Variants in ARHGAP18 observed in about 807,000 individuals in gnomAD.
ARHGAP18 encodes rho GTPase-activating protein 18.
Under a neutral mutation model 86.2 loss-of-function variants are expected in ARHGAP18, and 67 were observed. The ratio of observed to expected loss-of-function variants is 0.78; its 90% CI spans 0.64 to 0.95. The LOEUF is 0.95. ARHGAP18 is among the 40% of genes least tolerant of loss of function. ARHGAP18 has a pLI of 0.00. For missense variants in ARHGAP18, 691 were observed against 780.4 expected, an observed-to-expected ratio of 0.89 and a Z score of 1.37; for synonymous variants, 283 against 280.4, an observed-to-expected ratio of 1.01 and a Z score of -0.09.
At chr6:129,703,075 T>C (rs1253260173) in intron 1 of ARHGAP18, among the ~76,000 whole-genome samples, 7 of 152,024 alleles carry the variant, frequency 4.6e-5, no homozygotes, top group Non-Finnish European at 7.4e-5. Context: ...CACAGATTCA[T>C]GAGCAAGGAG....
At chr6:129,699,302 G>A (rs1237347195) in intron 1 of ARHGAP18, among the ~76,000 whole-genome samples, 1 of 152,178 alleles carries the variant, frequency 6.6e-6, no homozygotes, top group Non-Finnish European at 1.5e-5. Context: ...ACATGTTTAG[G>A]AGACAAAGGC....
intron 5 of ARHGAP18, among the ~76,000 whole-genome samples, chr6:129,621,437 CAA>C (rs1428032383): frequency 6.6e-6 from 1 of 152,128 alleles, no homozygotes; most frequent in African/African-American, 2.4e-5. Context: ...GGGGCCTAAG[CAA>C]ATTTCCAGCA....
At chr6:129,624,474 G>C (rs1200139232) in intron 5 of ARHGAP18, among the ~76,000 whole-genome samples, 2 of 152,116 alleles carry the variant, frequency 1.3e-5, no homozygotes, top group Non-Finnish European at 2.9e-5. Context: ...AGGTTGCAGT[G>C]AGCCAAGATG....
At chr6:129,676,034 G>A (rs1379599748) in intron 1 of ARHGAP18, among the ~76,000 whole-genome samples, 1 of 152,194 alleles carries the variant, frequency 6.6e-6, no homozygotes, top group Non-Finnish European at 1.5e-5. Flanking sequence ...AACCTGGTTG[G>A]TGCCATTGCG....
chr6:129,655,770 A>G (rs1773823389), intron 1 of ARHGAP18, among the ~76,000 whole-genome samples: 1 of 152,254 alleles, frequency 6.6e-6, no homozygotes, highest in Admixed American at 6.5e-5. Context: ...TAATAGAGAA[A>G]TGCTAATTTC....
chr6:129,679,620 GC>G (rs1300752686), intron 1 of ARHGAP18, among the ~76,000 whole-genome samples: 2 of 152,226 alleles, frequency 1.3e-5, no homozygotes, highest in East Asian at 3.8e-4. Flanking sequence ...ATTCAACTAA[GC>G]CTGGCTTGTA....
chr6:129,605,790 A>G lies in ARHGAP18; in HGVS notation c.1365+87T>C, dbSNP rs1020948090. 5 of 1,210,726 alleles carry G rather than the reference A, an allele frequency of 4.1e-6. No individual in the cohort carries two copies. In the African/African-American group the frequency reaches 6.1e-5, roughly 15 times the overall value. 75.0% of individuals were successfully genotyped at this position (1,210,726 alleles called of 1,614,324 possible). On this transcript the variant is annotated intron_variant, in intron 10 of 14. Coordinates refer to ENST00000368149, the MANE Select transcript of ARHGAP18 (RefSeq NM_033515.3). The stretch of plus-strand genomic sequence containing the variant: ...ATAGACTTTTATGACCATGTCCAAG[A>G]TACACATCTTATTGTTTTGCCACAA...
chr6:129,680,449 T>C (rs1230420201), intron 1 of ARHGAP18, among the ~76,000 whole-genome samples: 1 of 152,222 alleles, frequency 6.6e-6, no homozygotes, highest in Non-Finnish European at 1.5e-5. Context: ...ACTAATATTA[T>C]ACCTCTTTTC....
chr6:129,616,888 T>G (rs1228910908), intron 6 of ARHGAP18, among the ~76,000 whole-genome samples: 1 of 152,134 alleles, frequency 6.6e-6, no homozygotes, highest in African/African-American at 2.4e-5. Flanking sequence ...CCTGGGAGGT[T>G]GAGGCTACGG....
At chr6:129,647,373 G>A (rs1173707768) in intron 1 of ARHGAP18, among the ~76,000 whole-genome samples, 1 of 152,070 alleles carries the variant, frequency 6.6e-6, no homozygotes, top group Non-Finnish European at 1.5e-5. Flanking sequence ...TCTACCTTGT[G>A]TTCCCTACCC....
intron 1 of ARHGAP18, among the ~76,000 whole-genome samples, chr6:129,702,872 C>T (rs1369645936): frequency 6.6e-6 from 1 of 152,202 alleles, no homozygotes; most frequent in Non-Finnish European, 1.5e-5. Context: ...TGGTGGCGCA[C>T]GCCTGTAATC....
chr6:129,599,367 A>G lies in ARHGAP18; in HGVS notation c.1573-11T>C. The G allele has an allele frequency of 6.6e-7, 1 of 1,519,602 alleles. No individual in the cohort carries two copies. The highest frequency in any genetic ancestry group is 8.8e-7 in the Non-Finnish European group (1 of 1,139,798). 94.1% of individuals were successfully genotyped at this position (1,519,602 alleles called of 1,614,324 possible). ...AATAAACTTGGGAATCTATAGAGAA[A>G]AGGAATTAAGCTTAGAGAGGAAAAA... On this transcript the variant is annotated splice_polypyrimidine_tract_variant and intron_variant, in intron 11 of 14. Transcript: ENST00000368149.
At position 129,664,791 on chromosome 6, in the gene ARHGAP18, T is replaced by C. The variant is rs1187713629; in HGVS notation, c.114-22773A>G. Among the ~76,000 whole-genome samples the C allele has an allele frequency of 4.6e-5, 7 of 152,292 alleles. No homozygotes were observed. The East Asian group carries it at 1.3e-3, about 29-fold the overall frequency. On this transcript the variant is annotated intron_variant, in intron 1 of 14. Coordinates refer to ENST00000368149, the MANE Select transcript of ARHGAP18 (RefSeq NM_033515.3). ...GAGACAAAAAGTAAACACAAAGATG[T>C]ATAACCAGTCAGGTGGTGAGAAGTG...
intron 7 of ARHGAP18, 70 bp downstream of exon 7, chr6:129,616,142 A>C: frequency 8.3e-7 from 1 of 1,203,414 alleles, no homozygotes; most frequent in Non-Finnish European, 1.2e-6. Context: ...GTATTATAAT[A>C]ATATGAATAC....
chr6:129,615,082 A>C (rs1270513991), intron 7 of ARHGAP18, among the ~76,000 whole-genome samples: 2 of 152,072 alleles, frequency 1.3e-5, no homozygotes, highest in Non-Finnish European at 2.9e-5. Flanking sequence ...AATATATCCT[A>C]TTGCTTCTGT....
chr6:129,664,093 C>G (rs570069772), intron 1 of ARHGAP18, among the ~76,000 whole-genome samples: 29 of 152,324 alleles, frequency 1.9e-4, no homozygotes, highest in African/African-American at 6.3e-4. Context: ...ATCTATGGGT[C>G]CCTGTGGGCC....
chr6:129,634,051 C>T lies in ARHGAP18; in HGVS notation c.607G>A (p.Gly203Arg), dbSNP rs750995744. 6.2e-7 allele frequency: 1 copy of T among 1,612,026 alleles called. No homozygotes were observed. The highest frequency in any genetic ancestry group is 8.5e-7 in the Non-Finnish European group (1 of 1,179,098). Residue 203 changes from glycine to arginine, a missense_variant, in exon 4 of 15, where the codon GGA (glycine) becomes AGA (arginine). Transcript: ENST00000368149. Reference sequence around the variant, plus strand: ...AACAGGTTCAACATACCATCTCTTCCTTGGTATTTGTTTTCATTTGTTCTA... The same window carrying T: ...AACAGGTTCAACATACCATCTCTTCTTTGGTATTTGTTTTCATTTGTTCTA... Reference protein sequence around the residue: ...SLRTNENKYQGRDDEASNLVG... With the variant: ...SLRTNENKYQRRDDEASNLVG...
At chr6:129,644,695 C>T (rs956103181) in intron 1 of ARHGAP18, among the ~76,000 whole-genome samples, 5 of 152,148 alleles carry the variant, frequency 3.3e-5, no homozygotes, top group South Asian at 2.1e-4. Flanking sequence ...GAAAAAGGTG[C>T]AGTTGAACTA....
chr6:129,659,221 G>A (rs1296655611), intron 1 of ARHGAP18, among the ~76,000 whole-genome samples: 1 of 152,152 alleles, frequency 6.6e-6, no homozygotes, highest in Non-Finnish European at 1.5e-5. Context: ...CTACTGTCTT[G>A]ACAGGGTAGC....
Sources: gnomAD v4.1 joint callset for allele counts (sites outside exome capture counted in the v4.1 genomes callset) on GRCh38, gnomAD v4.1.1 for gene constraint, MANE v1.5 for transcripts, NCBI Gene and HGNC (gene_info 2026-07-23, HGNC 2026-07-21) for gene names.